Variants in NUBPL observed in about 807,000 individuals in gnomAD.
The protein encoded by NUBPL is NUBP iron-sulfur cluster assembly factor, mitochondrial, also known as iron-sulfur cluster transfer protein NUBPL.
Under a neutral mutation model 45.7 loss-of-function variants are expected in NUBPL, and 31 were observed. That is an observed-to-expected ratio of 0.68 (90% CI 0.51 to 0.92). The LOEUF is 0.92. Ranked by LOEUF, NUBPL falls within the 40% of genes least tolerant of loss-of-function variation. NUBPL has a pLI of 0.00. For missense variants in NUBPL, 401 were observed against 398.7 expected (o/e 1.01, Z -0.05); for synonymous variants, 144 against 140.9 (o/e 1.02, Z -0.15).
chr14:31,711,340 G>A (rs913212742), intron 6 of NUBPL, among the ~76,000 whole-genome samples: 3 of 152,156 alleles, frequency 2.0e-5, no homozygotes, highest in African/African-American at 4.8e-5. Context: ...TCTTTAGTCT[G>A]GTTGCCGCGC....
At chr14:31,703,132 A>G (rs2037374443) in intron 6 of NUBPL, 1 of 152,230 alleles carries the variant, frequency 6.6e-6, no homozygotes, top group Non-Finnish European at 1.5e-5. Flanking sequence ...GAAGTTTGTT[A>G]AAAAGCTTTA....
chr14:31,812,480 G>C (rs779038668), intron 7 of NUBPL, among the ~76,000 whole-genome samples: 1 of 152,222 alleles, frequency 6.6e-6, no homozygotes, highest in Non-Finnish European at 1.5e-5. Flanking sequence ...AGTTTGCTGA[G>C]TCCATTGGAA....
chr14:31,772,496 G>T (rs1273726751), intron 6 of NUBPL, among the ~76,000 whole-genome samples: 1 of 152,134 alleles, frequency 6.6e-6, no homozygotes, highest in Non-Finnish European at 1.5e-5. Context: ...TTACTTGTGT[G>T]ATAGTATCAT....
intron 4 of NUBPL, among the ~76,000 whole-genome samples, chr14:31,633,447 G>T (rs899693005): frequency 2.0e-5 from 3 of 152,158 alleles, no homozygotes; most frequent in African/African-American, 7.2e-5. Context: ...ATCTTTGCAA[G>T]TTTATTTTAC....
At chr14:31,790,272 C>T (rs2039355764) in intron 7 of NUBPL, among the ~76,000 whole-genome samples, 1 of 152,188 alleles carries the variant, frequency 6.6e-6, no homozygotes, top group South Asian at 2.1e-4. Context: ...ACTCTAACAC[C>T]AGCATTGCAT....
chr14:31,597,958 G>GTT (rs1305174109), intron 3 of NUBPL, among the ~76,000 whole-genome samples: 3 of 152,054 alleles, frequency 2.0e-5, no homozygotes, highest in Non-Finnish European at 4.4e-5. Context: ...TTAAAAAATA[G>GTT]TTAAATTGGT....
At chr14:31,574,058 G>A (rs1349222093) in intron 3 of NUBPL, among the ~76,000 whole-genome samples, 4 of 152,088 alleles carry the variant, frequency 2.6e-5, no homozygotes, top group Non-Finnish European at 5.9e-5. Context: ...TGTTGGATAA[G>A]GTGCCTATAG....
chr14:31,746,544 G>T (rs1247246766), intron 6 of NUBPL, among the ~76,000 whole-genome samples: 1 of 151,874 alleles, frequency 6.6e-6, no homozygotes, highest in Non-Finnish European at 1.5e-5. Context: ...ACTTGATCAT[G>T]GTGTATCATC....
At chr14:31,753,038 A>G (rs557701589) in intron 6 of NUBPL, among the ~76,000 whole-genome samples, 12 of 152,304 alleles carry the variant, frequency 7.9e-5, no homozygotes, top group East Asian at 3.9e-4. Flanking sequence ...TCATCTACCA[A>G]TGGGTGGGGA....
At chr14:31,756,017 C>T (rs536276676) in intron 6 of NUBPL, among the ~76,000 whole-genome samples, 127 of 152,094 alleles carry the variant, frequency 8.4e-4, no homozygotes, top group Non-Finnish European at 1.3e-3. Context: ...GTAGATAATG[C>T]GGCGTTATTT....
chr14:31,626,644 A>T (rs920406292), intron 4 of NUBPL, among the ~76,000 whole-genome samples: 4 of 152,324 alleles, frequency 2.6e-5, no homozygotes, highest in African/African-American at 9.6e-5. Flanking sequence ...ACTTCTTGCC[A>T]AAACGAGCTA....
At chr14:31,723,123 G>A (rs1015752647) in intron 6 of NUBPL, among the ~76,000 whole-genome samples, 4 of 152,110 alleles carry the variant, frequency 2.6e-5, no homozygotes, top group African/African-American at 7.2e-5. Context: ...TTTTGTATAT[G>A]GTGTAAGGAA....
At chr14:31,783,462 G>A (rs2039228215) in intron 6 of NUBPL, among the ~76,000 whole-genome samples, 1 of 151,434 alleles carries the variant, frequency 6.6e-6, no homozygotes, top group South Asian at 2.1e-4. Flanking sequence ...CATTTGAAAT[G>A]AATTGCCTTA....
chr14:31,779,801 C>A (rs936260143), intron 6 of NUBPL, among the ~76,000 whole-genome samples: 1 of 152,170 alleles, frequency 6.6e-6, no homozygotes, highest in Non-Finnish European at 1.5e-5. Context: ...AACTTTTTCT[C>A]TCCACAGTGA....
At chr14:31,686,981 G>A (rs552794333) in intron 6 of NUBPL, among the ~76,000 whole-genome samples, 2 of 152,328 alleles carry the variant, frequency 1.3e-5, no homozygotes, top group Non-Finnish European at 2.9e-5. Context: ...GGGCATGGTT[G>A]CATGTACCAG....
At chr14:31,841,970 G>A (rs1437489889) in intron 8 of NUBPL, among the ~76,000 whole-genome samples, 3 of 105,034 alleles carry the variant, frequency 2.9e-5, no homozygotes, top group South Asian at 6.7e-4. Flanking sequence ...TTCCTCTGTC[G>A]CCTGGGCTGG....
At chr14:31,666,548 C>T (rs2036433901) in intron 4 of NUBPL, among the ~76,000 whole-genome samples, 1 of 152,036 alleles carries the variant, frequency 6.6e-6, no homozygotes, top group Non-Finnish European at 1.5e-5. Flanking sequence ...CAGGCATGAG[C>T]CACCGTGCCC....
chr14:31,578,012 G>A (rs540866604), intron 3 of NUBPL: 2 of 1,280,940 alleles, frequency 1.6e-6, no homozygotes, highest in East Asian at 5.6e-5. Flanking sequence ...CCGTTGTTAT[G>A]AACTCAGTAA....
chr14:31,620,698 C>T (rs151324807), intron 4 of NUBPL, among the ~76,000 whole-genome samples: 2 of 152,274 alleles, frequency 1.3e-5, no homozygotes, highest in East Asian at 3.9e-4. Flanking sequence ...CCAGAGCTGT[C>T]CTGTATGAGG....
Sources: gnomAD v4.1 joint callset for allele counts (sites outside exome capture counted in the v4.1 genomes callset) on GRCh38, gnomAD v4.1.1 for gene constraint, MANE v1.5 for transcripts, NCBI Gene and HGNC (gene_info 2026-07-23, HGNC 2026-07-21) for gene names.